HMGCLL1: variants seen among roughly 807,000 people sequenced by gnomAD.
HMGCLL1 encodes the protein 3-hydroxymethyl-3-methylglutaryl-CoA lyase, cytoplasmic.
HMGCLL1 carries 36 observed loss-of-function variants against 39.1 expected under a neutral mutation model. That is an observed-to-expected ratio of 0.92 (90% CI 0.71 to 1.22). The LOEUF (loss-of-function observed/expected upper bound fraction) is 1.22, where lower values mean the gene tolerates loss of function less well. Among genes scored for constraint, HMGCLL1 ranks in the 50% most tolerant of loss-of-function variants. HMGCLL1 has a pLI of 0.00. For missense variants in HMGCLL1, 451 were observed against 416.5 expected, an observed-to-expected ratio of 1.08 and a Z score of -0.72; for synonymous variants, 149 against 144.0, an observed-to-expected ratio of 1.03 and a Z score of -0.25.
chr6:55,632,127 GA>G, the HMGCLL1 span, among the ~76,000 whole-genome samples: 1 of 152,078 alleles, frequency 6.6e-6, no homozygotes, highest in African/African-American at 2.4e-5. Flanking sequence ...AAGAACCAGT[GA>G]AATGCTAACA....
At chr6:55,579,222 GT>G (rs1180880648), upstream of HMGCLL1, 3 of 614,060 alleles carry the variant, frequency 4.9e-6, no homozygotes, top group Admixed American at 8.7e-5. Flanking sequence ...AGGGCGGGGA[GT>G]GGGGCGTGGC....
the HMGCLL1 span, among the ~76,000 whole-genome samples, chr6:55,621,425 T>C: frequency 1.9e-4 from 29 of 152,034 alleles, no homozygotes; most frequent in Non-Finnish European, 3.4e-4. Context: ...TCTGTATTTA[T>C]AGCTGCTCCC....
the HMGCLL1 span, among the ~76,000 whole-genome samples, chr6:55,617,810 C>T: frequency 6.6e-6 from 1 of 151,842 alleles, no homozygotes; most frequent in Non-Finnish European, 1.5e-5. Flanking sequence ...GCACATATGC[C>T]CAAGAATATA....
intron 7 of HMGCLL1, among the ~76,000 whole-genome samples, chr6:55,464,421 G>C (rs575932713): frequency 1.1e-4 from 17 of 152,060 alleles, no homozygotes; most frequent in Non-Finnish European, 2.2e-4. Context: ...CTACTGCCAG[G>C]CTTCTGTGTA....
Position 55,495,438 on chromosome 6 carries a change from T to C in HMGCLL1, c.776A>G (p.Asn259Ser). Residue 259 changes from asparagine (N) to serine (S), a missense_variant, in exon 7 of 9, where the codon AAT becomes AGT. Coordinates refer to ENST00000274901, the MANE Select transcript of HMGCLL1 (RefSeq NM_001042406.2). ...CHDTYGQALA[N>S]ILTALQMGIN... ...AAATACCTGAAGGGCCGTAAGGATA[T>C]TTGCTAAGGCTTGTCCGTATGTGTC... is the stretch of plus-strand genomic sequence containing the variant. 1 of 1,613,726 alleles carries C rather than the reference T, an allele frequency of 6.2e-7. No individual in the cohort carries two copies. The highest frequency in any genetic ancestry group is 8.5e-7 in the Non-Finnish European group (1 of 1,179,804).
chr6:55,503,548 A>G (rs548025903), intron 5 of HMGCLL1, among the ~76,000 whole-genome samples: 3 of 80,058 alleles, frequency 3.7e-5, no homozygotes, highest in Non-Finnish European at 5.9e-5. Flanking sequence ...ATGAGAATGA[A>G]AAAGGGGGGT....
the HMGCLL1 span, among the ~76,000 whole-genome samples, chr6:55,649,861 G>C: frequency 6.6e-6 from 1 of 150,914 alleles, no homozygotes; most frequent in Non-Finnish European, 1.5e-5. Context: ...GAACAATTCT[G>C]CTCTTCAGAG....
At chr6:55,644,331 C>T in the HMGCLL1 span, among the ~76,000 whole-genome samples, 1 of 151,944 alleles carries the variant, frequency 6.6e-6, no homozygotes, top group African/African-American at 2.4e-5. Context: ...GAAATATTTT[C>T]TCCTGTAATG....
At chr6:55,540,297 T>C (rs1170448484) in intron 3 of HMGCLL1, among the ~76,000 whole-genome samples, 3 of 152,118 alleles carry the variant, frequency 2.0e-5, no homozygotes. Flanking sequence ...GTAACTGTTA[T>C]GGACTGAATG....
At chr6:55,507,297 C>G (rs914267862) in intron 5 of HMGCLL1, among the ~76,000 whole-genome samples, 1 of 151,598 alleles carries the variant, frequency 6.6e-6, no homozygotes, top group African/African-American at 2.4e-5. Context: ...ATAATACTAT[C>G]GACAGTTTCA....
the HMGCLL1 span, among the ~76,000 whole-genome samples, chr6:55,619,805 C>A: frequency 1.3e-5 from 2 of 152,054 alleles, no homozygotes; most frequent in Non-Finnish European, 2.9e-5. Context: ...TTCTATTTAA[C>A]TATATTTAGG....
the HMGCLL1 span, among the ~76,000 whole-genome samples, chr6:55,592,359 T>C: frequency 6.6e-6 from 1 of 152,112 alleles, no homozygotes; most frequent in African/African-American, 2.4e-5. Flanking sequence ...ATTCATAGTT[T>C]GCTTAACAAA....
In HMGCLL1 at chr6:55,495,406, G is replaced by C. The variant is rs190463384; in HGVS notation, c.795+13C>G. 5 of 1,605,192 alleles carry C rather than the reference G, an allele frequency of 3.1e-6. No homozygotes were observed. In the East Asian group the frequency reaches 6.7e-5, roughly 22 times the overall value. On this transcript the variant is annotated intron_variant, in intron 7 of 8. Coordinates refer to ENST00000274901, the MANE Select transcript of HMGCLL1 (RefSeq NM_001042406.2). ...CCTATGCACACACATAACACACAAA[G>C]AGTACAAAATACCTGAAGGGCCGTA...
intron 3 of HMGCLL1, among the ~76,000 whole-genome samples, chr6:55,533,872 C>A (rs1343989178): frequency 1.1e-5 from 1 of 89,390 alleles, no homozygotes; most frequent in Non-Finnish European, 2.2e-5. Context: ...GGCGACAGAG[C>A]GAGACTCCGT....
chr6:55,614,237 G>A, the HMGCLL1 span, among the ~76,000 whole-genome samples: 1 of 152,122 alleles, frequency 6.6e-6, no homozygotes, highest in Non-Finnish European at 1.5e-5. Context: ...GTAATGAAAT[G>A]TGAAGATTAG....
intron 1 of HMGCLL1, among the ~76,000 whole-genome samples, chr6:55,549,413 T>C (rs1770192402): frequency 6.6e-6 from 1 of 151,680 alleles, no homozygotes; most frequent in South Asian, 2.1e-4. Context: ...TGTGTCTGTG[T>C]GTATTTGGTA....
At chr6:55,622,842 T>C in the HMGCLL1 span, among the ~76,000 whole-genome samples, 1 of 152,034 alleles carries the variant, frequency 6.6e-6, no homozygotes, top group South Asian at 2.1e-4. Flanking sequence ...GGAGAGGTGT[T>C]AGTTCTTTAT....
At chr6:55,477,283 TTA>T (rs1324059988) in intron 7 of HMGCLL1, among the ~76,000 whole-genome samples, 1 of 16,408 alleles carries the variant, frequency 6.1e-5, no homozygotes, top group Non-Finnish European at 8.2e-5. Flanking sequence ...ATATTATATA[TTA>T]TATATAAAAT....
the HMGCLL1 span, among the ~76,000 whole-genome samples, chr6:55,657,226 T>C: frequency 6.6e-6 from 1 of 152,100 alleles, no homozygotes; most frequent in African/African-American, 2.4e-5. Flanking sequence ...TTGTCAATTT[T>C]TGCTTTTGTT....
Sources: allele counts gnomAD v4.1 joint callset (sites outside exome capture counted in the v4.1 genomes callset), GRCh38; gene constraint gnomAD v4.1.1; transcripts MANE v1.5; gene names NCBI Gene and HGNC (gene_info 2026-07-23, HGNC 2026-07-21).